The following FCGR1A variants were observed in gnomAD, a reference collection of about 807,000 sequenced individuals.
FCGR1A encodes the protein high affinity immunoglobulin gamma Fc receptor I.
FCGR1A carries 13 observed loss-of-function variants against 35.0 expected under a neutral mutation model. That is an observed-to-expected ratio of 0.37 (90% confidence interval 0.24 to 0.59). FCGR1A has a LOEUF of 0.59. FCGR1A is among the 20% of genes least tolerant of loss of function. The pLI is 0.71. For synonymous variants in FCGR1A, 91 were observed against 164.7 expected (o/e 0.55, Z 3.43); for missense variants, 227 against 430.0 (o/e 0.53, Z 4.17).
the FCGR1A span, among the ~76,000 whole-genome samples, chr1:149,799,527 C>T: frequency 6.6e-6 from 1 of 151,998 alleles, no homozygotes; most frequent in Non-Finnish European, 1.5e-5. Context: ...TTGCATACTA[C>T]ACAATAGTAG....
chr1:149,785,135 A>G (rs2091506898), intron 3 of FCGR1A, among the ~76,000 whole-genome samples: 1 of 152,214 alleles, frequency 6.6e-6, no homozygotes, highest in Non-Finnish European at 1.5e-5. Flanking sequence ...AAAATGCTTC[A>G]TTCAATATGC....
chr1:149,799,841 T>G, the FCGR1A span, among the ~76,000 whole-genome samples: 1 of 152,190 alleles, frequency 6.6e-6, no homozygotes, highest in African/African-American at 2.4e-5. Flanking sequence ...TTCCTGTGCT[T>G]TCACACTACA....
chr1:149,788,376 A>G lies in FCGR1A; in HGVS notation c.318A>G (p.Leu106=). Residue 106 remains leucine, a synonymous_variant, in exon 4 of 6, where the codon CTA becomes CTG. Transcript: ENST00000369168. ...GTTCATATTTTTCAGGCTGGCTACTACTGCAGGTCTCCAGCAGAGTCTTCA... is the reference window on the plus strand; with the variant it reads ...GTTCATATTTTTCAGGCTGGCTACTGCTGCAGGTCTCCAGCAGAGTCTTCA... ...IQLEIHRGWL[L]LQVSSRVFTE... 1 of 1,612,852 alleles carries G rather than the reference A, an allele frequency of 6.2e-7. No homozygotes were observed. The highest frequency in any genetic ancestry group is 8.5e-7 in the Non-Finnish European group (1 of 1,179,868).
chr1:149,788,641 A>C, intron 4 of FCGR1A, 24 bp downstream of exon 4: 1 of 1,613,872 alleles, frequency 6.2e-7, no homozygotes, highest in South Asian at 1.1e-5. Flanking sequence ...ATAGTCATAG[A>C]ACTGATAGTC....
At chr1:149,787,134 A>G (rs1480892494) in intron 3 of FCGR1A, 4 of 152,268 alleles carry the variant, frequency 2.6e-5, no homozygotes, top group Non-Finnish European at 5.9e-5. Flanking sequence ...GTCTTTCAGC[A>G]TCTGCTGGCT....
At chr1:149,783,760 A>G in intron 2 of FCGR1A, 1 of 391,880 alleles carries the variant, frequency 2.6e-6, no homozygotes, top group Non-Finnish European at 4.3e-6. Flanking sequence ...CAGTAATTTA[A>G]TCCTCAGGAG....
chr1:149,789,961 C>G lies in FCGR1A; in HGVS notation c.560-93C>G, dbSNP rs375609068. The stretch of plus-strand genomic sequence containing the variant: ...TGCCTTATGGATGCATTTTCTAGGG[C>G]CAGGTTTCCCAAGGGGGTAAAGGGC... On this transcript the variant is annotated intron_variant, in intron 4 of 5. Transcript: ENST00000369168. 23 of 1,609,912 alleles carry G rather than the reference C, an allele frequency of 1.4e-5. No homozygotes were observed. In the African/African-American group the frequency reaches 2.7e-4, roughly 19 times the overall value.
downstream of FCGR1A, among the ~76,000 whole-genome samples, chr1:149,796,113 CTTG>C (rs2091797510): frequency 6.7e-6 from 1 of 150,146 alleles, no homozygotes; most frequent in African/African-American, 2.5e-5. Context: ...TTCTCCACTT[CTTG>C]TTTTTTCTAA....
chr1:149,793,551 A>G (rs1196277719), downstream of FCGR1A, among the ~76,000 whole-genome samples: 3 of 151,952 alleles, frequency 2.0e-5, no homozygotes, highest in African/African-American at 7.3e-5. Flanking sequence ...GGTCGGACTT[A>G]GAGGGGTGGT....
At chr1:149,796,189 C>T (rs2091798284), downstream of FCGR1A, among the ~76,000 whole-genome samples, 1 of 152,016 alleles carries the variant, frequency 6.6e-6, no homozygotes, top group Non-Finnish European at 1.5e-5. Flanking sequence ...CCTTCATCTC[C>T]CTATCACACA....
At chr1:149,796,924 G>A in the FCGR1A span, among the ~76,000 whole-genome samples, 1 of 152,064 alleles carries the variant, frequency 6.6e-6, no homozygotes, top group South Asian at 2.1e-4. Context: ...GCTTTTGTTT[G>A]TTTTTTGAGA....
Position 149,788,173 on chromosome 1 carries a change from A to C in FCGR1A, c.308-193A>C, listed in dbSNP as rs587690279. On this transcript the variant is annotated intron_variant, in intron 3 of 5. Transcript: ENST00000369168. ...GAAGATAAGAAAGGGCTGTGTACGCAGTTGCCAGTAAAGATTGCTTTTCTT... is the reference window on the plus strand; with the variant it reads ...GAAGATAAGAAAGGGCTGTGTACGCCGTTGCCAGTAAAGATTGCTTTTCTT... The C allele has an allele frequency of 8.0e-4, 738 of 925,732 alleles. 2 individuals are homozygous for C. The African/African-American group carries it at 0.01, about 13-fold the overall frequency. 57.3% of individuals were successfully genotyped at this position (925,732 alleles called of 1,614,324 possible).
At chr1:149,785,777 G>C (rs1306576434) in intron 3 of FCGR1A, 1 of 151,976 alleles carries the variant, frequency 6.6e-6, no homozygotes, top group Non-Finnish European at 1.5e-5. Flanking sequence ...ATCTATTTTA[G>C]ACATTTCCAG....
At chr1:149,789,422 ATG>A (rs1553751388) in intron 4 of FCGR1A, among the ~76,000 whole-genome samples, 4 of 146,120 alleles carry the variant, frequency 2.7e-5, no homozygotes, top group African/African-American at 1.1e-4. Flanking sequence ...AATAATAATG[ATG>A]ATAATAAAGT....
At chr1:149,793,269 A>G (rs1553752437), downstream of FCGR1A, 1 of 1,227,848 alleles carries the variant, frequency 8.1e-7, no homozygotes, top group Non-Finnish European at 1.0e-6. Context: ...GCGGGTGGGG[A>G]GTGGGAGAGG....
intron 3 of FCGR1A, chr1:149,785,707 A>T (rs1553750767): frequency 6.6e-6 from 1 of 152,130 alleles, no homozygotes; most frequent in East Asian, 1.9e-4. Flanking sequence ...AATATAACTT[A>T]TGTACAACAA....
chr1:149,785,111 A>G (rs2091506254), intron 3 of FCGR1A, among the ~76,000 whole-genome samples: 1 of 152,352 alleles, frequency 6.6e-6, no homozygotes, highest in African/African-American at 2.4e-5. Context: ...GGAGACTGCA[A>G]TATTCTTCAG....
chr1:149,791,633 A>T lies in FCGR1A; in HGVS notation c.*116A>T. 6.6e-7 allele frequency: 1 copy of T among 1,516,316 alleles called. No homozygotes were observed. Among genetic ancestry groups the T allele is most frequent in the African/African-American group, 1.4e-5 (1 of 69,784 alleles). 93.9% of individuals were successfully genotyped at this position (1,516,316 alleles called of 1,614,324 possible). On this transcript the variant is annotated 3_prime_UTR_variant, in exon 6 of 6. Transcript: ENST00000369168. ...ACACCAGAACTGTGTGTCTCATGGTATGTAACTCTTAAAGCAAATAAATGA... is the reference window on the plus strand; with the variant it reads ...ACACCAGAACTGTGTGTCTCATGGTTTGTAACTCTTAAAGCAAATAAATGA...
chr1:149,798,462 T>C, the FCGR1A span, among the ~76,000 whole-genome samples: 3 of 152,100 alleles, frequency 2.0e-5, no homozygotes, highest in African/African-American at 4.8e-5. Context: ...AAAGGTATAT[T>C]AAACTTATCA....
Sources: gnomAD v4.1 joint callset for allele counts (sites outside exome capture counted in the v4.1 genomes callset) on GRCh38, gnomAD v4.1.1 for gene constraint, MANE v1.5 for transcripts, NCBI Gene and HGNC (gene_info 2026-07-23, HGNC 2026-07-21) for gene names.